PRSS3: variants seen among roughly 807,000 people sequenced by gnomAD.
PRSS3 encodes the protein serine protease 3.
PRSS3 carries 14 observed loss-of-function variants against 20.8 expected under a neutral mutation model. That is an observed-to-expected ratio of 0.67 (90% confidence interval 0.44 to 1.05). The LOEUF (loss-of-function observed/expected upper bound fraction) is 1.05. Among genes scored for constraint, PRSS3 ranks in the 50% least tolerant of loss-of-function variants. The pLI, the probability that PRSS3 is intolerant of heterozygous loss-of-function variation, is 0.00. For synonymous variants in PRSS3, 91 were observed against 117.6 expected, an observed-to-expected ratio of 0.77 and a Z score of 1.46; for missense variants, 237 against 306.4, an observed-to-expected ratio of 0.77 and a Z score of 1.69.
At chr9:33,757,054 C>T (rs1822982763) in intron 1 of PRSS3, among the ~76,000 whole-genome samples, 1 of 152,180 alleles carries the variant, frequency 6.6e-6, no homozygotes, top group Admixed American at 6.5e-5. Context: ...AGAAAGATCT[C>T]ATTTCTAGCC....
intron 1 of PRSS3, among the ~76,000 whole-genome samples, chr9:33,754,667 T>C (rs527763083): frequency 5.3e-5 from 8 of 151,922 alleles, no homozygotes; most frequent in Admixed American, 3.3e-4. Flanking sequence ...CCATCTCTAC[T>C]AAAAACACAA....
intron 1 of PRSS3, among the ~76,000 whole-genome samples, chr9:33,763,974 T>C (rs1489559811): frequency 6.6e-6 from 1 of 152,208 alleles, no homozygotes; most frequent in East Asian, 1.9e-4. Flanking sequence ...GAGTGTTGTC[T>C]GTATACTCTA....
At chr9:33,789,880 A>T (rs559809747) in intron 1 of PRSS3, among the ~76,000 whole-genome samples, 56 of 152,328 alleles carry the variant, frequency 3.7e-4, no homozygotes, top group African/African-American at 1.3e-3. Flanking sequence ...ACTAGGTGTA[A>T]CCTTAACAAG....
At chr9:33,763,181 G>A (rs1823277945) in intron 1 of PRSS3, among the ~76,000 whole-genome samples, 1 of 152,230 alleles carries the variant, frequency 6.6e-6, no homozygotes, top group African/African-American at 2.4e-5. Flanking sequence ...AGAATGTACT[G>A]AAACTAAGAT....
intron 1 of PRSS3, among the ~76,000 whole-genome samples, chr9:33,790,266 T>G (rs879878867): frequency 6.6e-6 from 1 of 152,232 alleles, no homozygotes; most frequent in Admixed American, 6.5e-5. Flanking sequence ...GTTTTAGAAT[T>G]TATTCCCTTA....
intron 1 of PRSS3, among the ~76,000 whole-genome samples, chr9:33,789,638 G>A (rs1283638728): frequency 1.3e-5 from 2 of 152,086 alleles, no homozygotes; most frequent in African/African-American, 2.4e-5. Flanking sequence ...CAGGTCACAG[G>A]AATGCACATG....
At chr9:33,751,746 C>T (rs777590713) in intron 1 of PRSS3, among the ~76,000 whole-genome samples, 60 of 152,070 alleles carry the variant, frequency 3.9e-4, no homozygotes, top group Non-Finnish European at 8.8e-5. Flanking sequence ...TCATGAGAAA[C>T]GTGTACTGTT....
At chr9:33,783,009 T>TATCC (rs1824245329) in intron 1 of PRSS3, among the ~76,000 whole-genome samples, 1 of 152,220 alleles carries the variant, frequency 6.6e-6, no homozygotes, top group African/African-American at 2.4e-5. Context: ...AAGGGTAGTA[T>TATCC]ATCCACATGG....
chr9:33,795,646 AC>A lies in PRSS3; in HGVS notation c.40+38del, dbSNP rs370250357. On this transcript the variant is annotated intron_variant, in intron 1 of 4. Transcript: ENST00000379405. ...TCATGACCTGCCTCAGGCCCCACCCACCCCCTTTCCTGGCAGACACATGCCC... is the reference window on the plus strand; with the variant it reads ...TCATGACCTGCCTCAGGCCCCACCCACCCCTTTCCTGGCAGACACATGCCC... 6 of 1,495,194 alleles carry A rather than the reference AC, an allele frequency of 4.0e-6. No individual in the cohort carries two copies. In the South Asian group the frequency reaches 6.9e-5, roughly 17 times the overall value. 92.6% of individuals were successfully genotyped at this position (1,495,194 alleles called of 1,614,324 possible).
intron 1 of PRSS3, among the ~76,000 whole-genome samples, chr9:33,785,201 G>A (rs1472565140): frequency 1.1e-3 from 69 of 64,214 alleles, no homozygotes; most frequent in African/African-American, 6.0e-3. Flanking sequence ...TTTTTGAGAC[G>A]GAGTCTCGCT....
intron 1 of PRSS3, among the ~76,000 whole-genome samples, chr9:33,761,517 A>G (rs894544456): frequency 9.2e-5 from 14 of 151,858 alleles, no homozygotes; most frequent in African/African-American, 3.4e-4. Flanking sequence ...GACCAGCCTG[A>G]CCAACATGGA....
intron 1 of PRSS3, among the ~76,000 whole-genome samples, chr9:33,765,602 A>T (rs1361934677): frequency 6.6e-6 from 1 of 152,250 alleles, no homozygotes; most frequent in East Asian, 1.9e-4. Flanking sequence ...CTGATAATCC[A>T]GACAGTTTAC....
chr9:33,771,767 C>T (rs1449677020), intron 1 of PRSS3, among the ~76,000 whole-genome samples: 1 of 150,986 alleles, frequency 6.6e-6, no homozygotes, highest in Non-Finnish European at 1.5e-5. Context: ...CACCACCACA[C>T]CCAGCTAATT....
chr9:33,769,838 A>C (rs1369446617), intron 1 of PRSS3, among the ~76,000 whole-genome samples: 1 of 152,208 alleles, frequency 6.6e-6, no homozygotes, highest in East Asian at 1.9e-4. Context: ...GGACCCAGAC[A>C]ACAGAACACT....
intron 1 of PRSS3, among the ~76,000 whole-genome samples, chr9:33,787,830 T>C (rs1824474524): frequency 1.3e-5 from 2 of 152,312 alleles, no homozygotes; most frequent in South Asian, 4.1e-4. Context: ...TTTGTTGCTT[T>C]CCAGACCCCA....
intron 1 of PRSS3, among the ~76,000 whole-genome samples, chr9:33,783,443 A>T (rs1824259309): frequency 6.6e-6 from 1 of 152,174 alleles, no homozygotes; most frequent in Non-Finnish European, 1.5e-5. Flanking sequence ...TGAATTAAAA[A>T]ACTAGATGGA....
chr9:33,777,720 A>G (rs1363586869), intron 1 of PRSS3, among the ~76,000 whole-genome samples: 1 of 151,454 alleles, frequency 6.6e-6, no homozygotes, highest in Non-Finnish European at 1.5e-5. Flanking sequence ...AAAAAAAAAA[A>G]AAAAGTAAGA....
At chr9:33,795,242 C>T (rs1824850930), upstream of PRSS3, among the ~76,000 whole-genome samples, 1 of 152,178 alleles carries the variant, frequency 6.6e-6, no homozygotes, top group Admixed American at 6.5e-5. Flanking sequence ...CATTCTCCCT[C>T]CTTCTAACCC....
intron 4 of PRSS3, 199 bp downstream of exon 4, chr9:33,798,821 G>A: frequency 2.8e-6 from 3 of 1,063,320 alleles, no homozygotes; most frequent in Non-Finnish European, 4.1e-6. Flanking sequence ...GGCTGAGGAG[G>A]CTCCCTGCAG....
Sources: allele counts gnomAD v4.1 joint callset (sites outside exome capture counted in the v4.1 genomes callset), GRCh38; gene constraint gnomAD v4.1.1; transcripts MANE v1.5; gene names NCBI Gene and HGNC (gene_info 2026-07-23, HGNC 2026-07-21).